Variants in RNLS observed in about 807,000 individuals in gnomAD.
The protein encoded by RNLS is renalase.
RNLS carries 39 observed loss-of-function variants against 39.8 expected under a neutral mutation model. The observed-to-expected ratio is 0.98, with a 90% CI of 0.76 to 1.28. The LOEUF (loss-of-function observed/expected upper bound fraction) is 1.28, where lower values mean the gene tolerates loss of function less well. Among genes scored for constraint, RNLS ranks in the 50% most tolerant of loss-of-function variants. The probability of loss-of-function intolerance (pLI) is 0.00; values close to 1 mark genes in which losing one functional copy is unlikely to be tolerated. For missense variants in RNLS, 410 were observed against 413.3 expected, an observed-to-expected ratio of 0.99 and a Z score of 0.07; for synonymous variants, 147 against 150.7, an observed-to-expected ratio of 0.98 and a Z score of 0.18.
the RNLS span, among the ~76,000 whole-genome samples, chr10:88,252,323 G>A: frequency 3.3e-5 from 5 of 152,192 alleles, no homozygotes; most frequent in Admixed American, 2.0e-4. Context: ...TCTCTAAGCC[G>A]TCAATCAGAA....
At chr10:88,446,575 A>G (rs935391408) in intron 4 of RNLS, among the ~76,000 whole-genome samples, 2 of 152,196 alleles carry the variant, frequency 1.3e-5, no homozygotes, top group African/African-American at 4.8e-5. Flanking sequence ...TAGTAAGACT[A>G]ATAAAGAAGA....
At chr10:88,229,728 A>G in the RNLS span, among the ~76,000 whole-genome samples, 1 of 152,206 alleles carries the variant, frequency 6.6e-6, no homozygotes, top group Non-Finnish European at 1.5e-5. Context: ...ACATGGATTT[A>G]TCTATTCTGA....
At chr10:88,441,970 G>A (rs1239369274) in intron 4 of RNLS, among the ~76,000 whole-genome samples, 1 of 152,148 alleles carries the variant, frequency 6.6e-6, no homozygotes, top group Non-Finnish European at 1.5e-5. Flanking sequence ...AGGCAGCCGG[G>A]TTACTATCCC....
At chr10:88,481,313 T>C (rs1264566116) in intron 4 of RNLS, among the ~76,000 whole-genome samples, 1 of 152,210 alleles carries the variant, frequency 6.6e-6, no homozygotes, top group Non-Finnish European at 1.5e-5. Context: ...TCACATTTAA[T>C]TATCATGGCT....
At chr10:88,276,096 A>G (rs1248945853) in intron 6 of RNLS, among the ~76,000 whole-genome samples, 1 of 152,136 alleles carries the variant, frequency 6.6e-6, no homozygotes, top group African/African-American at 2.4e-5. Context: ...ATAATAAAAA[A>G]CAAAAAATAA....
Position 88,393,737 on chromosome 10 carries a change from C to A in RNLS, c.527-31012G>T, listed in dbSNP as rs1208092300. Among the ~76,000 whole-genome samples, 6 of 152,304 alleles carry A rather than the reference C, an allele frequency of 3.9e-5. No homozygotes were observed. The East Asian group carries it at 9.7e-4, about 25-fold the overall frequency. On this transcript the variant is annotated intron_variant, in intron 4 of 6. Transcript: ENST00000331772. ...CAAAAAAGAGCCTGCATTGCCAAGT[C>A]AATCTTAAGCCAAAAGGACAAAGCT...
rs546057299 is a variant in RNLS at position 88,526,437 on chromosome 10, G to A, written c.526+46466C>T. The stretch of plus-strand genomic sequence containing the variant: ...ATCTAAAAGGACAAACAAAACCTGA[G>A]AAGACACAACAGCAGACAAAACAGC... On this transcript the variant is annotated intron_variant, in intron 4 of 6. Transcript: ENST00000331772. Among the ~76,000 whole-genome samples the A allele has an allele frequency of 5.4e-4, 82 of 152,004 alleles. 1 individual carries two copies. The highest frequency in any genetic ancestry group is 1.8e-3 in the African/African-American group (75 of 41,474).
the RNLS span, among the ~76,000 whole-genome samples, chr10:88,258,345 T>G: frequency 2.6e-5 from 4 of 152,332 alleles, no homozygotes; most frequent in Admixed American, 2.6e-4. Context: ...CTGGATCCTA[T>G]TAAATAAAAT....
chr10:88,347,090 C>A (rs1848359689), intron 5 of RNLS, among the ~76,000 whole-genome samples: 1 of 152,144 alleles, frequency 6.6e-6, no homozygotes, highest in Non-Finnish European at 1.5e-5. Context: ...CAGCTCAAGT[C>A]TTTACTGTTT....
chr10:88,325,269 G>A (rs556793275), intron 5 of RNLS, among the ~76,000 whole-genome samples: 2 of 152,244 alleles, frequency 1.3e-5, no homozygotes, highest in South Asian at 4.1e-4. Context: ...ATGCACAAGG[G>A]TTCCAATTTC....
At chr10:88,326,993 T>C (rs1428610451) in intron 5 of RNLS, among the ~76,000 whole-genome samples, 1 of 152,208 alleles carries the variant, frequency 6.6e-6, no homozygotes, top group Non-Finnish European at 1.5e-5. Flanking sequence ...GTAACCCCTT[T>C]ATTTTGGCCA....
chr10:88,298,430 A>G (rs930261644), intron 6 of RNLS, among the ~76,000 whole-genome samples: 2 of 152,310 alleles, frequency 1.3e-5, no homozygotes, highest in Non-Finnish European at 1.5e-5. Context: ...ATGAAGATTT[A>G]CCAGTATGTT....
At chr10:88,204,371 C>T in the RNLS span, among the ~76,000 whole-genome samples, 5 of 152,106 alleles carry the variant, frequency 3.3e-5, no homozygotes, top group Admixed American at 1.3e-4. Flanking sequence ...TGGCAGCTTT[C>T]GTGTCTTGTA....
the RNLS span, among the ~76,000 whole-genome samples, chr10:88,190,527 G>C: frequency 6.6e-6 from 1 of 152,150 alleles, no homozygotes; most frequent in East Asian, 1.9e-4. Context: ...TCTTCCTGTT[G>C]GTAGTAAGTG....
intron 4 of RNLS, among the ~76,000 whole-genome samples, chr10:88,453,230 A>C (rs1165058368): frequency 6.6e-6 from 1 of 152,200 alleles, no homozygotes; most frequent in Non-Finnish European, 1.5e-5. Flanking sequence ...TATAGTACTT[A>C]CACCTCCAGC....
chr10:88,368,038 TG>T (rs1329317381), intron 4 of RNLS, among the ~76,000 whole-genome samples: 1 of 152,070 alleles, frequency 6.6e-6, no homozygotes, highest in African/African-American at 2.4e-5. Context: ...TTAACACTTC[TG>T]TGTCCTGCTT....
intron 4 of RNLS, among the ~76,000 whole-genome samples, chr10:88,426,075 T>C (rs1854734905): frequency 6.6e-6 from 1 of 152,078 alleles, no homozygotes; most frequent in South Asian, 2.1e-4. Flanking sequence ...CAATATGACT[T>C]CATTCATTCA....
At chr10:88,230,229 A>ACAAG in the RNLS span, among the ~76,000 whole-genome samples, 2 of 152,128 alleles carry the variant, frequency 1.3e-5, no homozygotes, top group South Asian at 2.1e-4. Context: ...ATAGACAAAA[A>ACAAG]CAAGCAAACA....
chr10:88,439,331 C>G (rs1299780890), intron 4 of RNLS, among the ~76,000 whole-genome samples: 1 of 152,076 alleles, frequency 6.6e-6, no homozygotes, highest in African/African-American at 2.4e-5. Flanking sequence ...GCATTATAAG[C>G]CCCAACACTT....
Sources: allele counts gnomAD v4.1 joint callset (sites outside exome capture counted in the v4.1 genomes callset), GRCh38; gene constraint gnomAD v4.1.1; transcripts MANE v1.5; gene names NCBI Gene and HGNC (gene_info 2026-07-23, HGNC 2026-07-21).